Variants in SPOCK3 observed in about 807,000 individuals in gnomAD.
SPOCK3 encodes SPARC (osteonectin), cwcv and kazal like domains proteoglycan 3.
SPOCK3 carries 30 observed loss-of-function variants against 56.6 expected under a neutral mutation model. The ratio of observed to expected loss-of-function variants is 0.53; its 90% confidence interval spans 0.40 to 0.72. The LOEUF is 0.72. Among genes scored for constraint, SPOCK3 ranks in the 30% least tolerant of loss-of-function variants. The pLI is 0.00. For missense variants in SPOCK3, 527 were observed against 530.0 expected, an observed-to-expected ratio of 0.99 and a Z score of 0.06; for synonymous variants, 196 against 183.3, an observed-to-expected ratio of 1.07 and a Z score of -0.56.
chr4:166,808,935 C>G (rs1376522602), intron 6 of SPOCK3, among the ~76,000 whole-genome samples: 1 of 151,972 alleles, frequency 6.6e-6, no homozygotes, highest in Admixed American at 6.6e-5. Context: ...AGAATCAGTA[C>G]TACGAAGACT....
chr4:167,034,102 T>C (rs145540292), intron 3 of SPOCK3, among the ~76,000 whole-genome samples: 262 of 152,126 alleles, frequency 1.7e-3, no homozygotes, highest in African/African-American at 5.7e-3. Context: ...AATCTGACTA[T>C]TGGAATTAAA....
chr4:167,138,000 C>T (rs886680864), intron 2 of SPOCK3, among the ~76,000 whole-genome samples: 3 of 151,832 alleles, frequency 2.0e-5, no homozygotes, highest in African/African-American at 7.2e-5. Flanking sequence ...TAATATCTAA[C>T]ATTTTAAATA....
intron 3 of SPOCK3, among the ~76,000 whole-genome samples, chr4:167,062,046 G>A (rs550370036): frequency 1.2e-4 from 18 of 151,792 alleles, no homozygotes; most frequent in Admixed American, 7.9e-4. Flanking sequence ...TTCCTTTTGG[G>A]GCTTGTTAAG....
chr4:166,839,757 A>G (rs1747036898), intron 6 of SPOCK3, among the ~76,000 whole-genome samples: 1 of 152,176 alleles, frequency 6.6e-6, no homozygotes. Flanking sequence ...TTCTTAACAA[A>G]TTATGGGTAT....
At chr4:167,224,209 A>G (rs1038254411) in intron 2 of SPOCK3, among the ~76,000 whole-genome samples, 3 of 152,090 alleles carry the variant, frequency 2.0e-5, no homozygotes, top group Non-Finnish European at 4.4e-5. Flanking sequence ...TGCTTACTAT[A>G]TACATGTTTA....
At chr4:166,753,278 G>T (rs1217015196) in intron 8 of SPOCK3, among the ~76,000 whole-genome samples, 7 of 151,828 alleles carry the variant, frequency 4.6e-5, no homozygotes. Context: ...CAGTTTAGCT[G>T]GATTTACTAC....
At chr4:167,210,990 A>G (rs1053469692) in intron 2 of SPOCK3, among the ~76,000 whole-genome samples, 3 of 152,240 alleles carry the variant, frequency 2.0e-5, no homozygotes, top group Non-Finnish European at 4.4e-5. Context: ...TAAACAATGA[A>G]CGATTTTTTA....
chr4:166,916,674 C>T (rs896106891), intron 4 of SPOCK3, among the ~76,000 whole-genome samples: 2 of 152,148 alleles, frequency 1.3e-5, no homozygotes, highest in African/African-American at 4.8e-5. Context: ...AAAAAACCCT[C>T]TCATTCTAAC....
At position 167,217,510 on chromosome 4, in the gene SPOCK3, T is replaced by C. The variant is rs114829345; in HGVS notation, c.189+16475A>G. Among the ~76,000 whole-genome samples, 1,419 of 152,202 alleles carry C rather than the reference T, an allele frequency of 9.3e-3. 12 individuals carry two copies. The highest frequency in any genetic ancestry group is 0.015 in the Non-Finnish European group (1,004 of 67,978). On this transcript the variant is annotated intron_variant, in intron 2 of 10. Transcript: ENST00000357545. ...TAGGTTACATGCAAATACTACATTG[T>C]GTTATATAAGGGACTTGAGGATCCA...
intron 4 of SPOCK3, among the ~76,000 whole-genome samples, chr4:166,989,916 A>G (rs1747588052): frequency 6.6e-6 from 1 of 152,194 alleles, no homozygotes; most frequent in African/African-American, 2.4e-5. Context: ...TTGTGATTAT[A>G]CCATCCCTTA....
rs181094730 is a variant in SPOCK3 at position 167,071,749 on chromosome 4, C to G, written c.190-9212G>C. Reference sequence around the variant, plus strand: ...TTGGATATATACCCAGTAATGGGATCGCTGGGTCAAATGGTATTTCTAGTT... The same window carrying G: ...TTGGATATATACCCAGTAATGGGATGGCTGGGTCAAATGGTATTTCTAGTT... On this transcript the variant is annotated intron_variant, in intron 2 of 10. Coordinates refer to ENST00000357545, the MANE Select transcript of SPOCK3 (RefSeq NM_001040159.2). 2.4e-4 allele frequency among the ~76,000 whole-genome samples: 36 copies of G among 151,968 alleles called. No homozygotes were observed. In the East Asian group the frequency reaches 5.1e-3, roughly 21 times the overall value.
At position 166,737,614 on chromosome 4, in the gene SPOCK3, C is replaced by A; in HGVS notation, c.995-10G>T. On this transcript the variant is annotated splice_polypyrimidine_tract_variant and intron_variant, in intron 9 of 10. Transcript: ENST00000357545. ...AGGGGGATATACTGTCCTGTTGAAA[C>A]AACACACAGGCATACAAACACACAC... 1.2e-6 allele frequency: 2 copies of A among 1,603,488 alleles called. No homozygotes were observed. Among genetic ancestry groups the A allele is most frequent in the Non-Finnish European group, 8.5e-7 (1 of 1,175,590 alleles).
intron 2 of SPOCK3, among the ~76,000 whole-genome samples, chr4:167,227,268 C>G (rs921828362): frequency 6.6e-6 from 1 of 151,942 alleles, no homozygotes; most frequent in African/African-American, 2.4e-5. Context: ...AGTTTTGGAA[C>G]TTATAGGACT....
At chr4:167,144,193 G>A (rs1763754934) in intron 2 of SPOCK3, among the ~76,000 whole-genome samples, 1 of 151,548 alleles carries the variant, frequency 6.6e-6, no homozygotes, top group Non-Finnish European at 1.5e-5. Context: ...AAAGTCTATG[G>A]AACTATCATA....
chr4:166,907,041 T>TTA (rs1478245673), intron 5 of SPOCK3, among the ~76,000 whole-genome samples: 3 of 152,134 alleles, frequency 2.0e-5, no homozygotes, highest in Admixed American at 1.3e-4. Flanking sequence ...AATGTTTGAT[T>TTA]TATATATATA....
At position 167,217,097 on chromosome 4, in the gene SPOCK3, T is replaced by G. The variant is rs554196249; in HGVS notation, c.189+16888A>C. 6.6e-5 allele frequency among the ~76,000 whole-genome samples: 10 copies of G among 152,202 alleles called. No homozygotes were observed. In the South Asian group the frequency reaches 2.1e-3, roughly 32 times the overall value. On this transcript the variant is annotated intron_variant, in intron 2 of 10. Transcript: ENST00000357545. Reference sequence around the variant, plus strand: ...TTTGTTAAACACGGTGAAAAAAAATTTATGTGGCTACTTTATTTGCCTTTT... The same window carrying G: ...TTTGTTAAACACGGTGAAAAAAAATGTATGTGGCTACTTTATTTGCCTTTT...
At chr4:167,056,552 A>G (rs1685511877) in intron 3 of SPOCK3, among the ~76,000 whole-genome samples, 1 of 152,142 alleles carries the variant, frequency 6.6e-6, no homozygotes, top group Admixed American at 6.5e-5. Flanking sequence ...AATTTAGATG[A>G]ATGTATAACT....
At chr4:166,950,148 A>C (rs1010033005) in intron 4 of SPOCK3, among the ~76,000 whole-genome samples, 8 of 151,826 alleles carry the variant, frequency 5.3e-5, no homozygotes, top group Middle Eastern at 3.4e-3. Flanking sequence ...GGCAAATTGG[A>C]TAAAGAGTCA....
chr4:167,148,226 T>C (rs1002190324), intron 2 of SPOCK3, among the ~76,000 whole-genome samples: 7 of 152,170 alleles, frequency 4.6e-5, no homozygotes, highest in Non-Finnish European at 7.3e-5. Context: ...GGGGAGTTGC[T>C]ACTGGCATCT....
Sources: allele counts gnomAD v4.1 joint callset (sites outside exome capture counted in the v4.1 genomes callset), GRCh38; gene constraint gnomAD v4.1.1; transcripts MANE v1.5; gene names NCBI Gene and HGNC (gene_info 2026-07-23, HGNC 2026-07-21).